SYNE2: variants seen among roughly 807,000 people sequenced by gnomAD.
The protein encoded by SYNE2 is spectrin repeat containing nuclear envelope protein 2.
In SYNE2, 431 loss-of-function variants were observed where a neutral mutation model predicts 856.3. That is an observed-to-expected ratio of 0.50 (90% confidence interval 0.47 to 0.55). SYNE2 has a LOEUF of 0.55. Ranked by LOEUF, SYNE2 falls within the 20% of genes least tolerant of loss-of-function variation. The pLI, the probability that SYNE2 is intolerant of heterozygous loss-of-function variation, is 0.00. For synonymous variants in SYNE2, 2,923 were observed against 2,872.3 expected, an observed-to-expected ratio of 1.02 and a Z score of -0.56; for missense variants, 8,129 against 8,023.2, an observed-to-expected ratio of 1.01 and a Z score of -0.50.
chr14:64,106,241 T>C (rs985770835), intron 64 of SYNE2, among the ~76,000 whole-genome samples: 2 of 151,976 alleles, frequency 1.3e-5, no homozygotes, highest in Admixed American at 6.6e-5. Flanking sequence ...AATATCTCTT[T>C]AGATGCCTAT....
intron 49 of SYNE2, 134 bp downstream of exon 49, chr14:64,056,400 A>T: frequency 1.4e-6 from 1 of 723,900 alleles, no homozygotes; most frequent in Non-Finnish European, 2.1e-6. Context: ...TGCATTAGAG[A>T]TAATTTGGAA....
rs1317837502 is a variant in SYNE2, at chr14:63,941,947, C to A, written c.300C>A (p.Phe100Leu). Residue 100 changes from phenylalanine to leucine, a missense_variant, in exon 5 of 116, where the codon TTC becomes TTA. By Grantham distance (22) the Phe-to-Leu change is conservative. Transcript: ENST00000555002. ...TCAATATAGAACATGCCTTGACATT[C>A]CTAAGAAACCGATCAGTAAGTATAA... ...CRINIEHALT[F>L]LRNRSIKLIN... 2 of 1,612,524 alleles carry A rather than the reference C, an allele frequency of 1.2e-6. No homozygotes were observed. The highest frequency in any genetic ancestry group is 1.7e-6 in the Non-Finnish European group (2 of 1,179,562).
intron 92 of SYNE2, among the ~76,000 whole-genome samples, chr14:64,168,126 CAG>C (rs1388633077): frequency 2.6e-5 from 4 of 152,062 alleles, no homozygotes; most frequent in Admixed American, 6.6e-5. Context: ...TGGGGGGAGA[CAG>C]AGTCTTCCTC....
intron 45 of SYNE2, among the ~76,000 whole-genome samples, chr14:64,037,357 T>C (rs28662363): frequency 0.8 from 118,042 of 148,248 alleles, 47,880 homozygotes; most frequent in Non-Finnish European, 0.88. Context: ...TGCCTTCAAG[T>C]ATCTGTTTAA....
intron 6 of SYNE2, among the ~76,000 whole-genome samples, chr14:63,947,155 T>C (rs1252826779): frequency 6.6e-6 from 1 of 152,130 alleles, no homozygotes. Flanking sequence ...TGGCCTGTTA[T>C]ATTCTTTAAC....
chr14:63,816,977 C>G (rs1364202146), intron 1 of SYNE2, among the ~76,000 whole-genome samples: 7 of 152,112 alleles, frequency 4.6e-5, no homozygotes, highest in African/African-American at 1.7e-4. Context: ...GAACTCCTGA[C>G]CTCAAGCAAC....
intron 19 of SYNE2, among the ~76,000 whole-genome samples, chr14:63,989,274 T>C (rs1566982862): frequency 1.3e-5 from 2 of 152,242 alleles, no homozygotes; most frequent in South Asian, 2.1e-4. Flanking sequence ...TATGCAGTCA[T>C]GTCTATCCCT....
chr14:64,159,274 C>T, intron 86 of SYNE2, 38 bp from the exon 87 acceptor site: 1 of 1,612,902 alleles, frequency 6.2e-7, no homozygotes. Context: ...AGTAGCCAGG[C>T]CATTCTGAAA....
At chr14:63,942,234 C>CCA in intron 6 of SYNE2, 91 bp downstream of exon 6, 1 of 806,244 alleles carries the variant, frequency 1.2e-6, no homozygotes, top group Non-Finnish European at 2.1e-6. Context: ...TAGATTCAGT[C>CCA]CTGAGCTTCT....
chr14:64,145,126 C>T (rs2098171407), intron 83 of SYNE2, among the ~76,000 whole-genome samples: 1 of 151,822 alleles, frequency 6.6e-6, no homozygotes, highest in Non-Finnish European at 1.5e-5. Context: ...AGGGTTTCAC[C>T]ATGTTGGTCA....
Position 63,890,204 on chromosome 14 carries a change from A to C in SYNE2, c.-51-18894A>C, listed in dbSNP as rs186923826. Among the ~76,000 whole-genome samples, 574 of 152,046 alleles carry C rather than the reference A, an allele frequency of 3.8e-3. 1 individual carries two copies. Among genetic ancestry groups the C allele is most frequent in the Middle Eastern group, 0.01 (3 of 294 alleles). On this transcript the variant is annotated intron_variant, in intron 1 of 115. Transcript: ENST00000555002. Reference sequence around the variant, plus strand: ...CAGGCTCCCAAGTAGCTGGGACTACAGGCGTGGGCCACCATGCCTGGCTAA... The same window carrying C: ...CAGGCTCCCAAGTAGCTGGGACTACCGGCGTGGGCCACCATGCCTGGCTAA...
chr14:64,111,958 G>A (rs1316157028), intron 65 of SYNE2, among the ~76,000 whole-genome samples: 1 of 152,170 alleles, frequency 6.6e-6, no homozygotes, highest in Admixed American at 6.6e-5. Flanking sequence ...ATAGATTAAT[G>A]AAGGCAGGGA....
chr14:64,121,240 G>C (rs1303211730), intron 68 of SYNE2, among the ~76,000 whole-genome samples, 179 bp downstream of exon 68: 1 of 152,038 alleles, frequency 6.6e-6, no homozygotes, highest in East Asian at 1.9e-4. Flanking sequence ...CAAAAAAAAG[G>C]CCAGGCACAG....
Position 63,954,902 on chromosome 14 carries a change from G to A in SYNE2, c.774G>A (p.Leu258=), listed in dbSNP as rs1471884697. 1 of 1,612,668 alleles carries A rather than the reference G, an allele frequency of 6.2e-7. No individual in the cohort carries two copies. The highest frequency in any genetic ancestry group is 8.5e-7 in the Non-Finnish European group (1 of 1,179,534). Residue 258 remains leucine (L), a synonymous_variant, in exon 8 of 116, where the codon TTG becomes TTA. Coordinates refer to ENST00000555002, the MANE Select transcript of SYNE2 (RefSeq NM_182914.3). ...AACAAGAATTAAAAATCCCCAGATT[G>A]CTGGAACCAGAAGGTAAAGAAGCTT... is the stretch of plus-strand genomic sequence containing the variant. The part of the protein sequence containing the change: ...IAEQELKIPR[L]LEPEDVDVVD...
At position 64,089,607 on chromosome 14, in the gene SYNE2, A is replaced by C. The variant is rs909725905; in HGVS notation, c.11704A>C (p.Met3902Leu). The C allele has an allele frequency of 3.7e-6, 6 of 1,610,554 alleles. No individual in the cohort carries two copies. Among genetic ancestry groups the C allele is most frequent in the Admixed American group, 3.3e-5 (2 of 59,922 alleles). ...VVAIESEVKS[M>L]EKRVSKIKTI... ...TGCTATTGAATCTGAAGTAAAATCA[A>C]TGGAAAAAAGAGTTTCAAAAATCAA... The change falls in exon 59 of 116, where the codon ATG becomes CTG. Residue 3902 changes from methionine (M) to leucine (L), a missense_variant. Physicochemically the swap from Met to Leu is conservative, Grantham distance 15. This residue lies in a region of SYNE2 where 5,410 missense variants were observed against 5,284.8 expected (regional missense o/e 1.02). Coordinates refer to ENST00000555002, the MANE Select transcript of SYNE2 (RefSeq NM_182914.3).
chr14:63,936,066 G>A (rs1016566853), intron 2 of SYNE2, among the ~76,000 whole-genome samples: 40 of 152,056 alleles, frequency 2.6e-4, no homozygotes, highest in African/African-American at 9.7e-4. Flanking sequence ...ATAGAGATGG[G>A]GTTTCACCAT....
intron 1 of SYNE2, among the ~76,000 whole-genome samples, chr14:63,788,761 A>G (rs1394234466): frequency 6.6e-6 from 1 of 152,232 alleles, no homozygotes; most frequent in African/African-American, 2.4e-5. Context: ...TACACTGATG[A>G]GGAATGTAAA....
chr14:64,088,079 A>G (rs1024286900), intron 58 of SYNE2, among the ~76,000 whole-genome samples: 2 of 152,196 alleles, frequency 1.3e-5, no homozygotes, highest in Non-Finnish European at 2.9e-5. Flanking sequence ...GCAACTTGGA[A>G]GGCTGAGGCA....
chr14:63,978,895 T>G lies in SYNE2; in HGVS notation c.1450T>G (p.Phe484Val), dbSNP rs1330235266. 2 of 1,613,022 alleles carry G rather than the reference T, an allele frequency of 1.2e-6. No individual in the cohort carries two copies. The change falls in exon 14 of 116, where the codon TTT becomes GTT. Residue 484 changes from phenylalanine (F) to valine (V), a missense_variant. By Grantham distance (50) the Phe-to-Val change is conservative. This residue lies in a region of SYNE2 where 2,422 missense variants were observed against 2,357.4 expected (regional missense o/e 1.03). Transcript: ENST00000555002. ...LEKKFILLLE[F>V]HYYKCLVLGL... Reference sequence around the variant, plus strand: ...GAAAAAATTTATTCTACTTCTAGAATTTCATTACTACAAGTGCTTAGTTCT... The same window carrying G: ...GAAAAAATTTATTCTACTTCTAGAAGTTCATTACTACAAGTGCTTAGTTCT...
Sources: allele counts gnomAD v4.1 joint callset (sites outside exome capture counted in the v4.1 genomes callset), GRCh38; gene constraint gnomAD v4.1.1; regional missense constraint gnomAD v4.1.1; transcripts MANE v1.5; gene names NCBI Gene and HGNC (gene_info 2026-07-23, HGNC 2026-07-21).